Variants in WNT9B observed in about 807,000 individuals in gnomAD.
WNT9B encodes Wnt family member 9B, also known as protein Wnt-9b.
WNT9B carries 12 observed loss-of-function variants against 30.2 expected under a neutral mutation model. The observed-to-expected ratio is 0.40, with a 90% CI of 0.26 to 0.64. The LOEUF (loss-of-function observed/expected upper bound fraction) is 0.64, where lower values mean the gene tolerates loss of function less well. Ranked by LOEUF, WNT9B falls within the 30% of genes least tolerant of loss-of-function variation. WNT9B has a pLI of 0.42. For missense variants in WNT9B, 442 were observed against 485.2 expected (o/e 0.91, Z 0.84); for synonymous variants, 218 against 216.9 (o/e 1.01, Z -0.05).
intron 2 of WNT9B, among the ~76,000 whole-genome samples, chr17:46,872,975 G>A (rs987406926): frequency 1.3e-5 from 2 of 152,094 alleles, no homozygotes; most frequent in Non-Finnish European, 2.9e-5. Flanking sequence ...CCAGCCTCAG[G>A]TTTGGGGGAG....
At chr17:46,873,086 TC>T (rs2085279923) in intron 2 of WNT9B, among the ~76,000 whole-genome samples, 1 of 139,820 alleles carries the variant, frequency 7.2e-6, no homozygotes, top group Non-Finnish European at 1.5e-5. Flanking sequence ...CTCTGCCTCT[TC>T]ACACACACAC....
At chr17:46,866,154 G>A (rs1423909441) in intron 1 of WNT9B, among the ~76,000 whole-genome samples, 4 of 152,108 alleles carry the variant, frequency 2.6e-5, no homozygotes. Flanking sequence ...CTCACAGTAG[G>A]GGAAATCTGG....
intron 1 of WNT9B, among the ~76,000 whole-genome samples, chr17:46,840,960 A>G (rs2084706028): frequency 6.6e-6 from 1 of 152,202 alleles, no homozygotes; most frequent in African/African-American, 2.4e-5. Context: ...GGAGGCAGAA[A>G]GCAGCCGGTT....
intron 1 of WNT9B, among the ~76,000 whole-genome samples, chr17:46,869,648 TAGTTAGAC>T (rs1176733344): frequency 1.3e-5 from 2 of 152,360 alleles, no homozygotes; most frequent in Non-Finnish European, 2.9e-5. Flanking sequence ...ATGATGCATT[TAGTTAGAC>T]AAACCAACTT....
intron 1 of WNT9B, among the ~76,000 whole-genome samples, chr17:46,836,795 A>G (rs1258645235): frequency 6.6e-6 from 1 of 152,208 alleles, no homozygotes; most frequent in Non-Finnish European, 1.5e-5. Context: ...CTGTTGACAC[A>G]CAAGTATGCT....
At chr17:46,847,334 G>A (rs78030142), upstream of WNT9B, among the ~76,000 whole-genome samples, 700 of 152,292 alleles carry the variant, frequency 4.6e-3, 10 homozygotes, top group African/African-American at 0.016. Context: ...ATGACCTTGA[G>A]GAAGTCATTC....
Position 46,872,709 on chromosome 17 carries a change from G to T in WNT9B, c.270G>T (p.Gln90His), listed in dbSNP as rs1280105309. ...CGCACCTCGGCCTGCTTGAGTGCCAGTTTCAGTTCCGGCATGAGCGCTGGA... is the reference window on the plus strand; with the variant it reads ...CGCACCTCGGCCTGCTTGAGTGCCATTTTCAGTTCCGGCATGAGCGCTGGA... ...DAAHLGLLEC[Q>H]FQFRHERWNC... The change falls in exon 2 of 4, where the codon CAG becomes CAT. Residue 90 changes from glutamine to histidine, a missense_variant. Transcript: ENST00000290015. 4 of 1,605,876 alleles carry T rather than the reference G, an allele frequency of 2.5e-6. No homozygotes were observed. The highest frequency in any genetic ancestry group is 3.4e-6 in the Non-Finnish European group (4 of 1,175,914).
chr17:46,861,086 T>C (rs1029890125), intron 1 of WNT9B, among the ~76,000 whole-genome samples: 5 of 152,208 alleles, frequency 3.3e-5, no homozygotes, highest in Non-Finnish European at 5.9e-5. Flanking sequence ...GCCAACCTCT[T>C]CATCTCTGCC....
In WNT9B at chr17:46,878,729, G is replaced by T. The variant is rs188400013; in HGVS notation, c.*2011G>T. ...GCAGAGCAGGGGGCCTGGGAGCAACGTGGAGGCCAGAGCACCCTGATCCAC... is the reference window on the plus strand; with the variant it reads ...GCAGAGCAGGGGGCCTGGGAGCAACTTGGAGGCCAGAGCACCCTGATCCAC... On this transcript the variant is annotated 3_prime_UTR_variant, in exon 4 of 4. Coordinates refer to ENST00000290015, the MANE Select transcript of WNT9B (RefSeq NM_003396.3). Among the ~76,000 whole-genome samples the T allele has an allele frequency of 1.2e-3, 180 of 152,318 alleles. No individual in the cohort carries two copies. Among genetic ancestry groups the T allele is most frequent in the African/African-American group, 4.1e-3 (172 of 41,576 alleles).
intron 1 of WNT9B, among the ~76,000 whole-genome samples, chr17:46,856,578 G>A (rs546142325): frequency 1.7e-4 from 25 of 150,996 alleles, no homozygotes; most frequent in Middle Eastern, 3.4e-3. Context: ...TCCGCCTCCC[G>A]GTTCAAGTGA....
upstream of WNT9B, among the ~76,000 whole-genome samples, chr17:46,849,863 T>TTTTTTTTTA (rs2084819924): frequency 6.6e-6 from 1 of 151,778 alleles, no homozygotes; most frequent in Admixed American, 6.6e-5. Context: ...TTTTTTTTGT[T>TTTTTTTTTA]TTGAGATGGA....
chr17:46,860,906 T>C (rs1226994668), intron 1 of WNT9B, among the ~76,000 whole-genome samples: 3 of 152,232 alleles, frequency 2.0e-5, no homozygotes, highest in African/African-American at 7.2e-5. Context: ...TCACCCAGAC[T>C]AGAGTGCAAT....
chr17:46,860,720 C>T (rs2085023211), intron 1 of WNT9B, among the ~76,000 whole-genome samples: 2 of 152,240 alleles, frequency 1.3e-5, no homozygotes, highest in African/African-American at 4.8e-5. Context: ...TTCTCTGTGC[C>T]TGTATCCCAG....
intron 1 of WNT9B, among the ~76,000 whole-genome samples, chr17:46,862,605 C>T (rs1283802899): frequency 6.6e-6 from 1 of 152,028 alleles, no homozygotes; most frequent in Non-Finnish European, 1.5e-5. Context: ...TTTTTTGAGA[C>T]GGAGTCTTGC....
Position 46,835,531 on chromosome 17 carries a change from G to A in WNT9B, c.95+2091G>A, listed in dbSNP as rs138257417. 7.0e-4 allele frequency among the ~76,000 whole-genome samples: 107 copies of A among 152,292 alleles called. 1 individual carries two copies. The highest frequency in any genetic ancestry group is 1.4e-3 in the Non-Finnish European group (92 of 68,030). On this transcript the variant is annotated intron_variant, in intron 1 of 2. Transcript: ENST00000575372. ...CAGCCCAGTCTCCCTTATTCTTAAT[G>A]AGGTGACCATGAGTTAATCTCTTAG...
chr17:46,878,522 G>A lies in WNT9B; in HGVS notation c.*1804G>A, dbSNP rs2085380113. Among the ~76,000 whole-genome samples, 1 of 152,184 alleles carries A rather than the reference G, an allele frequency of 6.6e-6. No individual in the cohort carries two copies. ...CGTTAAAATGACATTGCTGACCCAAGCACCTGGCCCACACCTTGGCAGCAG... is the reference window on the plus strand; with the variant it reads ...CGTTAAAATGACATTGCTGACCCAAACACCTGGCCCACACCTTGGCAGCAG... On this transcript the variant is annotated 3_prime_UTR_variant, in exon 4 of 4. Transcript: ENST00000290015.
intron 1 of WNT9B, among the ~76,000 whole-genome samples, chr17:46,835,798 C>T (rs1272571850): frequency 6.6e-6 from 1 of 152,246 alleles, no homozygotes; most frequent in Non-Finnish European, 1.5e-5. Context: ...GGGAGGAGGG[C>T]CTGCGCCCCC....
At chr17:46,833,730 G>T (rs892413180) in intron 1 of WNT9B, among the ~76,000 whole-genome samples, 1 of 152,180 alleles carries the variant, frequency 6.6e-6, no homozygotes, top group East Asian at 1.9e-4. Context: ...GTGAGTGAGC[G>T]TCCTGGAAAA....
downstream of WNT9B, among the ~76,000 whole-genome samples, chr17:46,883,666 A>T (rs2085453841): frequency 6.6e-6 from 1 of 152,182 alleles, no homozygotes; most frequent in South Asian, 2.1e-4. Context: ...GCTGGAAATG[A>T]AACAGCTTCT....
Sources: allele counts gnomAD v4.1 joint callset (sites outside exome capture counted in the v4.1 genomes callset), GRCh38; gene constraint gnomAD v4.1.1; transcripts MANE v1.5; gene names NCBI Gene and HGNC (gene_info 2026-07-23, HGNC 2026-07-21).